The following NOL4 variants were observed in gnomAD, a reference collection of about 807,000 sequenced individuals.
NOL4 encodes nucleolar protein 4.
In NOL4, 17 loss-of-function variants were observed where a neutral mutation model predicts 75.9. The observed-to-expected ratio is 0.22, with a 90% CI of 0.15 to 0.34. The LOEUF (loss-of-function observed/expected upper bound fraction) is 0.34, where lower values mean the gene tolerates loss of function less well. Among genes scored for constraint, NOL4 ranks in the 10% least tolerant of loss-of-function variants. The pLI, the probability that NOL4 is intolerant of heterozygous loss-of-function variation, is 1.00. For synonymous variants in NOL4, 292 were observed against 289.9 expected (o/e 1.01, Z -0.07); for missense variants, 614 against 793.5 (o/e 0.77, Z 2.72).
chr18:34,167,834 G>T (rs562596430), intron 1 of NOL4, among the ~76,000 whole-genome samples: 4 of 152,018 alleles, frequency 2.6e-5, no homozygotes, highest in East Asian at 3.9e-4. Context: ...TAGTAAATTT[G>T]GGTAAATGTA....
chr18:34,052,830 G>C (rs2076681204), intron 5 of NOL4, among the ~76,000 whole-genome samples: 1 of 151,980 alleles, frequency 6.6e-6, no homozygotes, highest in African/African-American at 2.4e-5. Flanking sequence ...CATATAACAA[G>C]CATGTAGATA....
intron 10 of NOL4, among the ~76,000 whole-genome samples, chr18:33,876,436 C>A (rs1027714654): frequency 6.6e-6 from 1 of 152,032 alleles, no homozygotes. Flanking sequence ...CTCCCTTCCA[C>A]ACATTTCAGA....
At chr18:33,887,979 C>T (rs1198591712) in intron 9 of NOL4, among the ~76,000 whole-genome samples, 3 of 152,038 alleles carry the variant, frequency 2.0e-5, no homozygotes, top group South Asian at 2.1e-4. Flanking sequence ...GTTCTAGATC[C>T]CTGAGGAATC....
chr18:34,093,116 T>C (rs962522042), intron 5 of NOL4, among the ~76,000 whole-genome samples: 4 of 152,156 alleles, frequency 2.6e-5, no homozygotes, highest in African/African-American at 9.6e-5. Flanking sequence ...AAATGCTTAA[T>C]TTAGTCGGAA....
At chr18:34,030,356 G>A (rs141234806) in intron 5 of NOL4, among the ~76,000 whole-genome samples, 3 of 152,190 alleles carry the variant, frequency 2.0e-5, no homozygotes, top group African/African-American at 4.8e-5. Flanking sequence ...GGTATGGAGA[G>A]GAAACAGGGT....
intron 10 of NOL4, among the ~76,000 whole-genome samples, chr18:33,863,177 A>G (rs2063252328): frequency 6.6e-6 from 1 of 152,144 alleles, no homozygotes; most frequent in Non-Finnish European, 1.5e-5. Context: ...AAGAACAAAA[A>G]ACCAAACACC....
rs182900306 is a variant in NOL4, at chr18:33,861,951, C to T, written c.1724-8916G>A. 1.8e-4 allele frequency among the ~76,000 whole-genome samples: 27 copies of T among 152,202 alleles called. 1 individual carries two copies. In the Middle Eastern group the frequency reaches 0.02, roughly 115 times the overall value. On this transcript the variant is annotated intron_variant, in intron 10 of 10. Transcript: ENST00000261592. ...GTTCATATGGAACCAAAAAAGAGCC[C>T]ACATCGCCAAGTCAAACCTAAACCA...
Position 33,923,666 on chromosome 18 carries a change from T to C in NOL4, c.1542+19399A>G, listed in dbSNP as rs183128754. Among the ~76,000 whole-genome samples the C allele has an allele frequency of 1.6e-3, 247 of 152,318 alleles. 3 individuals carry two copies. Among genetic ancestry groups the C allele is most frequent in the Middle Eastern group, 6.8e-3 (2 of 294 alleles). On this transcript the variant is annotated intron_variant, in intron 9 of 10. Coordinates refer to ENST00000261592, the MANE Select transcript of NOL4 (RefSeq NM_003787.5). Reference sequence around the variant, plus strand: ...TACCGTCTTCCTTATGTGTACATAATGTATTGTATATGTTTACATCTTTTT... The same window carrying C: ...TACCGTCTTCCTTATGTGTACATAACGTATTGTATATGTTTACATCTTTTT...
At chr18:33,891,035 T>C (rs1161257098) in intron 9 of NOL4, among the ~76,000 whole-genome samples, 5 of 151,570 alleles carry the variant, frequency 3.3e-5, no homozygotes, top group Non-Finnish European at 5.9e-5. Context: ...CCTTTCTGTC[T>C]GGAGAAAGAA....
intron 9 of NOL4, among the ~76,000 whole-genome samples, chr18:33,930,435 T>C (rs1039582605): frequency 2.0e-5 from 3 of 152,140 alleles, no homozygotes; most frequent in African/African-American, 4.8e-5. Flanking sequence ...TTTGCGATCA[T>C]GAATTTAAGG....
Position 33,852,357 on chromosome 18 carries a change from T to C in NOL4, c.*485A>G, listed in dbSNP as rs912721246. ...AAACAAGTTTTCTTTTTATAAAAAT[T>C]ACATATTTTTTTAAAATACGAGATC... On this transcript the variant is annotated 3_prime_UTR_variant, in exon 11 of 11. Transcript: ENST00000261592. 3.9e-5 allele frequency: 6 copies of C among 152,024 alleles called. No individual in the cohort carries two copies. The highest frequency in any genetic ancestry group is 3.9e-4 in the Admixed American group (6 of 15,206). 9.4% of individuals were successfully genotyped at this position (152,024 alleles called of 1,614,324 possible). A position where few individuals can be genotyped will look rare whatever the true frequency, so the allele number is the denominator to read the frequency against.
chr18:33,880,019 G>A lies in NOL4; in HGVS notation c.1723+3225C>T, dbSNP rs189260382. 9.1e-4 allele frequency among the ~76,000 whole-genome samples: 139 copies of A among 152,124 alleles called. 2 individuals are homozygous for A. In the Middle Eastern group the frequency reaches 0.01, roughly 11 times the overall value. ...ACCACAGTCTTGTTAAAAAAATTCT[G>A]TTAAGCATTTGGATTTTTACTAAAC... On this transcript the variant is annotated intron_variant, in intron 10 of 10. Transcript: ENST00000261592.
chr18:33,870,594 C>T (rs182350978), intron 10 of NOL4, among the ~76,000 whole-genome samples: 165 of 151,548 alleles, frequency 1.1e-3, no homozygotes, highest in Admixed American at 2.0e-3. Flanking sequence ...TATAAATGTA[C>T]GAAAGATATG....
intron 6 of NOL4, among the ~76,000 whole-genome samples, chr18:33,966,886 T>C (rs1057308558): frequency 6.6e-6 from 1 of 152,182 alleles, no homozygotes; most frequent in Non-Finnish European, 1.5e-5. Context: ...ATCAATCTCA[T>C]TAAAATGACC....
At chr18:34,004,004 T>C (rs534399830) in intron 6 of NOL4, among the ~76,000 whole-genome samples, 2 of 152,088 alleles carry the variant, frequency 1.3e-5, no homozygotes, top group Non-Finnish European at 1.5e-5. Flanking sequence ...TCTAGTCTCT[T>C]TGAAGCCTGC....
intron 10 of NOL4, among the ~76,000 whole-genome samples, chr18:33,873,971 G>A (rs925425522): frequency 6.6e-6 from 1 of 151,942 alleles, no homozygotes; most frequent in African/African-American, 2.4e-5. Context: ...ATCTCTGCAT[G>A]AGATAACCCC....
At chr18:34,070,320 G>T (rs546335424) in intron 5 of NOL4, among the ~76,000 whole-genome samples, 2 of 152,054 alleles carry the variant, frequency 1.3e-5, no homozygotes, top group African/African-American at 4.8e-5. Flanking sequence ...CGCCCGGCCC[G>T]CCTTGCCTTT....
intron 1 of NOL4, among the ~76,000 whole-genome samples, chr18:34,214,446 G>T (rs2036737627): frequency 6.6e-6 from 1 of 152,038 alleles, no homozygotes; most frequent in Admixed American, 6.6e-5. Flanking sequence ...TAAAGCAAGG[G>T]CCTTAGAATC....
intron 1 of NOL4, among the ~76,000 whole-genome samples, chr18:34,172,875 C>T (rs1190469720): frequency 6.6e-6 from 1 of 151,964 alleles, no homozygotes; most frequent in Non-Finnish European, 1.5e-5. Flanking sequence ...AGACTTTTTG[C>T]TGTTGAGTAT....
Sources: gnomAD v4.1 joint callset for allele counts (sites outside exome capture counted in the v4.1 genomes callset) on GRCh38, gnomAD v4.1.1 for gene constraint, MANE v1.5 for transcripts, NCBI Gene and HGNC (gene_info 2026-07-23, HGNC 2026-07-21) for gene names.